SV2C: variants seen among roughly 807,000 people sequenced by gnomAD.
The protein encoded by SV2C is solute carrier family 22 member B3.
A neutral mutation model predicts 79.7 loss-of-function variants in SV2C; 49 were observed. The ratio of observed to expected loss-of-function variants is 0.61; its 90% confidence interval spans 0.49 to 0.78. SV2C has a LOEUF of 0.78. Ranked by LOEUF, SV2C falls within the 30% of genes least tolerant of loss-of-function variation. SV2C has a pLI of 0.00. For missense variants in SV2C, 833 were observed against 912.9 expected, an observed-to-expected ratio of 0.91 and a Z score of 1.13; for synonymous variants, 334 against 333.2, an observed-to-expected ratio of 1.00 and a Z score of -0.03.
At chr5:76,196,902 A>G (rs1744286384) in intron 3 of SV2C, among the ~76,000 whole-genome samples, 1 of 152,216 alleles carries the variant, frequency 6.6e-6, no homozygotes, top group South Asian at 2.1e-4. Flanking sequence ...AATATTCCAA[A>G]CCAATGGCCT....
chr5:75,911,309 A>G, the SV2C span: 20 of 1,385,322 alleles, frequency 1.4e-5, no homozygotes, highest in Non-Finnish European at 6.1e-6. Context: ...CCTTCAGGGC[A>G]GCCTTCATCA....
the SV2C span, among the ~76,000 whole-genome samples, chr5:75,885,691 A>C: frequency 7.2e-5 from 11 of 152,240 alleles, no homozygotes; most frequent in East Asian, 1.5e-3. Context: ...CTGGGACTAC[A>C]GGGTTGTGCC....
chr5:75,910,839 G>T, the SV2C span: 1 of 1,276,238 alleles, frequency 7.8e-7, no homozygotes, highest in Non-Finnish European at 1.1e-6. Flanking sequence ...GTCTTCTACA[G>T]GGAAATGAGC....
At chr5:75,977,327 A>G in the SV2C span, among the ~76,000 whole-genome samples, 2 of 152,284 alleles carry the variant, frequency 1.3e-5, no homozygotes, top group Admixed American at 6.5e-5. Flanking sequence ...CACAATAAGG[A>G]CGTCCTCTTT....
intron 4 of SV2C, among the ~76,000 whole-genome samples, chr5:76,266,971 A>G (rs1428031154): frequency 1.3e-5 from 2 of 152,180 alleles, no homozygotes; most frequent in African/African-American, 4.8e-5. Flanking sequence ...GACACTTCCA[A>G]ACTGGGAGGT....
the SV2C span, among the ~76,000 whole-genome samples, chr5:75,882,929 G>A: frequency 1.9e-4 from 29 of 151,438 alleles, no homozygotes; most frequent in African/African-American, 3.2e-4. Context: ...GAAAATTTTC[G>A]CAACCTACTC....
the SV2C span, among the ~76,000 whole-genome samples, chr5:75,962,801 G>C: frequency 3.3e-5 from 5 of 152,136 alleles, no homozygotes; most frequent in African/African-American, 9.6e-5. Context: ...CTTAGTGGTA[G>C]TCCCATCTAA....
At chr5:76,077,780 A>G in the SV2C span, among the ~76,000 whole-genome samples, 1 of 152,210 alleles carries the variant, frequency 6.6e-6, no homozygotes, top group South Asian at 2.1e-4. Flanking sequence ...GAAGGGGAGA[A>G]ACAGGGATAG....
chr5:76,242,307 C>T, intron 4 of SV2C: 2 of 1,457,166 alleles, frequency 1.4e-6, no homozygotes, highest in Non-Finnish European at 1.9e-6. Context: ...GTGGCGGCAG[C>T]GACGGCAGCG....
At chr5:75,969,989 C>A in the SV2C span, among the ~76,000 whole-genome samples, 4 of 152,088 alleles carry the variant, frequency 2.6e-5, no homozygotes, top group African/African-American at 9.7e-5. Flanking sequence ...GACCACAGTG[C>A]AATCAAACTA....
chr5:76,174,577 C>A (rs2112285603), intron 2 of SV2C, among the ~76,000 whole-genome samples: 1 of 152,354 alleles, frequency 6.6e-6, no homozygotes, highest in African/African-American at 2.4e-5. Context: ...GACCAGGAAT[C>A]ACCAAGCTTG....
chr5:76,353,225 T>G, exon 13 of SV2C: 4 of 336,266 alleles, frequency 1.2e-5, no homozygotes, highest in Non-Finnish European at 2.4e-5. Context: ...GATTACAGTC[T>G]CGAGCCACTG....
At chr5:76,054,595 T>C in the SV2C span, among the ~76,000 whole-genome samples, 1 of 152,206 alleles carries the variant, frequency 6.6e-6, no homozygotes, top group Non-Finnish European at 1.5e-5. Flanking sequence ...ATTGAACTAA[T>C]TTACATTCCC....
chr5:75,933,680 G>A, the SV2C span, among the ~76,000 whole-genome samples: 1 of 152,228 alleles, frequency 6.6e-6, no homozygotes, highest in South Asian at 2.1e-4. Context: ...GCATGCAGCA[G>A]GAACCATCTT....
At chr5:76,002,719 C>A in the SV2C span, among the ~76,000 whole-genome samples, 2 of 152,110 alleles carry the variant, frequency 1.3e-5, no homozygotes, top group East Asian at 1.9e-4. Flanking sequence ...AGCAGAAAAG[C>A]TGAGGGAAAA....
intron 1 of SV2C, among the ~76,000 whole-genome samples, chr5:76,095,883 G>A (rs1747539021): frequency 6.6e-6 from 1 of 152,044 alleles, no homozygotes; most frequent in East Asian, 1.9e-4. Context: ...AATTACTCAT[G>A]GGTTTTTCTT....
chr5:75,962,574 T>C, the SV2C span, among the ~76,000 whole-genome samples: 2 of 152,114 alleles, frequency 1.3e-5, no homozygotes, highest in South Asian at 2.1e-4. Context: ...TTTCATGAGG[T>C]GTCAGTGATA....
chr5:75,934,029 A>G, the SV2C span, among the ~76,000 whole-genome samples: 4 of 152,200 alleles, frequency 2.6e-5, no homozygotes, highest in African/African-American at 9.7e-5. Context: ...CTTTATAAGG[A>G]TTATCACATT....
At chr5:76,188,613 C>T (rs948393272) in intron 2 of SV2C, among the ~76,000 whole-genome samples, 1 of 152,168 alleles carries the variant, frequency 6.6e-6, no homozygotes, top group African/African-American at 2.4e-5. Context: ...TCTTAACCCC[C>T]ATTACTTTAA....
Sources: gnomAD v4.1 joint callset for allele counts (sites outside exome capture counted in the v4.1 genomes callset) on GRCh38, gnomAD v4.1.1 for gene constraint, MANE v1.5 for transcripts, NCBI Gene and HGNC (gene_info 2026-07-23, HGNC 2026-07-21) for gene names.